Variants in DSCAM observed in about 807,000 individuals in gnomAD.
The protein encoded by DSCAM is cell adhesion molecule DSCAM.
A neutral mutation model predicts 217.7 loss-of-function variants in DSCAM; 47 were observed. That is an observed-to-expected ratio of 0.22 (90% CI 0.17 to 0.28). The LOEUF (loss-of-function observed/expected upper bound fraction) is 0.28, where lower values mean the gene tolerates loss of function less well. Among genes scored for constraint, DSCAM ranks in the 10% least tolerant of loss-of-function variants. The pLI is 1.00. For missense variants in DSCAM, 2,080 were observed against 2,618.3 expected (o/e 0.79, Z 4.49); for synonymous variants, 1,056 against 1,015.3 (o/e 1.04, Z -0.76).
chr21:40,482,742 C>G (rs1008404324), intron 3 of DSCAM, among the ~76,000 whole-genome samples: 4 of 152,112 alleles, frequency 2.6e-5, no homozygotes, highest in African/African-American at 9.7e-5. Context: ...TATATGGAAG[C>G]CCCCTATGTT....
chr21:40,340,922 G>A lies in DSCAM; in HGVS notation c.1211-1507C>T, dbSNP rs187642820. 2.0e-4 allele frequency among the ~76,000 whole-genome samples: 31 copies of A among 152,226 alleles called. No homozygotes were observed. In the East Asian group the frequency reaches 2.1e-3, roughly 10 times the overall value. The stretch of plus-strand genomic sequence containing the variant: ...CCTTGGGGCCTAGTTCTTGGTCAGG[G>A]AGGCCAGTTATGTAGGGTCTTCATG... On this transcript the variant is annotated intron_variant, in intron 6 of 32. Coordinates refer to ENST00000400454, the MANE Select transcript of DSCAM (RefSeq NM_001389.5).
chr21:40,806,460 T>C (rs1232238414), intron 1 of DSCAM, among the ~76,000 whole-genome samples: 1 of 152,188 alleles, frequency 6.6e-6, no homozygotes, highest in Non-Finnish European at 1.5e-5. Context: ...AATACAAATA[T>C]AGAGTTGCTA....
In DSCAM at chr21:40,300,048, AT is replaced by A. The variant is rs1377805045; in HGVS notation, c.2063-3875del. Among the ~76,000 whole-genome samples the A allele has an allele frequency of 2.0e-3, 307 of 152,160 alleles. 2 individuals are homozygous for A. Among genetic ancestry groups the A allele is most frequent in the African/African-American group, 6.8e-3 (284 of 41,518 alleles). ...AAGACAATTCTTACTTTGCTTGCTT[AT>A]TAAAGAGAGGATCCCCCACTGTGGC... On this transcript the variant is annotated intron_variant, in intron 9 of 32. Transcript: ENST00000400454.
Position 40,306,772 on chromosome 21 carries a change from T to G in DSCAM, c.2062+5309A>C, listed in dbSNP as rs527619232. 4.6e-5 allele frequency among the ~76,000 whole-genome samples: 7 copies of G among 152,212 alleles called. No homozygotes were observed. The East Asian group carries it at 1.4e-3, about 29-fold the overall frequency. ...TTAATTTGCGTATATTGAACAAGCC[T>G]TGCATCCCAGGGATGAAGCCCACTT... On this transcript the variant is annotated intron_variant, in intron 9 of 32. Coordinates refer to ENST00000400454, the MANE Select transcript of DSCAM (RefSeq NM_001389.5).
At chr21:40,785,454 G>T (rs771570525) in intron 1 of DSCAM, among the ~76,000 whole-genome samples, 1 of 152,206 alleles carries the variant, frequency 6.6e-6, no homozygotes, top group African/African-American at 2.4e-5. Context: ...GGGCAGGAAG[G>T]CCTCACTGGC....
chr21:40,144,478 C>G lies in DSCAM; in HGVS notation c.3259+13G>C, dbSNP rs758223455. 7.4e-6 allele frequency: 12 copies of G among 1,613,024 alleles called. No homozygotes were observed. The highest frequency in any genetic ancestry group is 1.0e-5 in the Non-Finnish European group (12 of 1,179,236). ...GGAGGGAAAAGCCACGACCAGGCCC[C>G]GGCCGAACCTACCATCCTCGAGAGT... On this transcript the variant is annotated intron_variant, in intron 17 of 32. Coordinates refer to ENST00000400454, the MANE Select transcript of DSCAM (RefSeq NM_001389.5). The surrounding 1 kb of genome is among the most constrained non-coding windows in gnomAD (Gnocchi z 4.8).
intron 1 of DSCAM, among the ~76,000 whole-genome samples, chr21:40,713,651 A>G (rs2090807570): frequency 6.6e-6 from 1 of 152,220 alleles, no homozygotes; most frequent in African/African-American, 2.4e-5. Flanking sequence ...ATTAGGAAGA[A>G]CTGTTAGAAA....
intron 30 of DSCAM, among the ~76,000 whole-genome samples, chr21:40,046,959 C>T (rs971349616): frequency 6.6e-6 from 1 of 151,986 alleles, no homozygotes; most frequent in African/African-American, 2.4e-5. Flanking sequence ...ATGGGAAAGT[C>T]GCACATGCAG....
At position 40,071,249 on chromosome 21, in the gene DSCAM, C is replaced by A. The variant is rs977480878; in HGVS notation, c.4888+3788G>T. On this transcript the variant is annotated intron_variant, in intron 27 of 32. Coordinates refer to ENST00000400454, the MANE Select transcript of DSCAM (RefSeq NM_001389.5). The stretch of plus-strand genomic sequence containing the variant: ...CCAGGGCATCATTAAAAGCAAAATG[C>A]GGCTCCTGAACTCCTGGATAAGGTT... 3.3e-5 allele frequency among the ~76,000 whole-genome samples: 5 copies of A among 152,044 alleles called. No individual in the cohort carries two copies. In the East Asian group the frequency reaches 5.8e-4, roughly 18 times the overall value.
chr21:40,197,291 T>C (rs531646505), intron 11 of DSCAM, among the ~76,000 whole-genome samples: 21 of 152,208 alleles, frequency 1.4e-4, no homozygotes, highest in African/African-American at 4.8e-4. Context: ...GCTAATTTTT[T>C]GTATTTTTAG....
chr21:40,538,243 C>A (rs1014515370), intron 3 of DSCAM, among the ~76,000 whole-genome samples: 9 of 152,048 alleles, frequency 5.9e-5, no homozygotes, highest in African/African-American at 2.2e-4. Context: ...GGTGTTAGTG[C>A]TCCTTCATTT....
intron 28 of DSCAM, among the ~76,000 whole-genome samples, chr21:40,059,239 T>C (rs1215637478): frequency 1.3e-5 from 2 of 152,352 alleles, no homozygotes; most frequent in East Asian, 3.9e-4. Context: ...CTTTTTCTGC[T>C]TACACCCAAC....
At chr21:40,633,902 C>T (rs2089723218) in intron 3 of DSCAM, among the ~76,000 whole-genome samples, 1 of 152,088 alleles carries the variant, frequency 6.6e-6, no homozygotes, top group African/African-American at 2.4e-5. Flanking sequence ...GGAAGCCTCC[C>T]AGGGAATGAT....
At chr21:40,563,612 ACATGTT>A (rs1568907636) in intron 3 of DSCAM, among the ~76,000 whole-genome samples, 4 of 146,396 alleles carry the variant, frequency 2.7e-5, no homozygotes, top group African/African-American at 4.9e-5. Flanking sequence ...ATATATGTTT[ACATGTT>A]TATATATAGT....
intron 1 of DSCAM, among the ~76,000 whole-genome samples, chr21:40,772,615 G>A (rs2091454792): frequency 1.3e-5 from 2 of 152,178 alleles, no homozygotes; most frequent in South Asian, 4.1e-4. Flanking sequence ...CCCTGCCCAT[G>A]TCCAACTGCC....
rs370374274 is a variant in DSCAM, at chr21:40,520,356, A to G, written c.509-151111T>C. Among the ~76,000 whole-genome samples the G allele has an allele frequency of 2.9e-4, 44 of 152,328 alleles. No individual in the cohort carries two copies. The South Asian group carries it at 8.5e-3, about 29-fold the overall frequency. On this transcript the variant is annotated intron_variant, in intron 3 of 32. Coordinates refer to ENST00000400454, the MANE Select transcript of DSCAM (RefSeq NM_001389.5). ...AGTCAGTTAAGAGGAGCAGGATTCAATGCAATGCTATTATCTTCCAGAAAA... is the reference window on the plus strand; with the variant it reads ...AGTCAGTTAAGAGGAGCAGGATTCAGTGCAATGCTATTATCTTCCAGAAAA...
At chr21:40,680,189 G>A (rs1235129524) in intron 3 of DSCAM, among the ~76,000 whole-genome samples, 2 of 152,066 alleles carry the variant, frequency 1.3e-5, no homozygotes, top group Admixed American at 1.3e-4. Flanking sequence ...ACTAACTCAA[G>A]GTTACGTAAC....
At chr21:40,166,272 A>T (rs1255612854) in intron 16 of DSCAM, among the ~76,000 whole-genome samples, 1 of 152,214 alleles carries the variant, frequency 6.6e-6, no homozygotes, top group Non-Finnish European at 1.5e-5. Flanking sequence ...GTGACGCCAC[A>T]GAAAAAAAAC....
At chr21:40,229,419 T>C (rs940766902) in intron 11 of DSCAM, among the ~76,000 whole-genome samples, 1 of 152,248 alleles carries the variant, frequency 6.6e-6, no homozygotes, top group African/African-American at 2.4e-5. Flanking sequence ...TCTGTGGTTT[T>C]GACAAATACA....
Sources: gnomAD v4.1 joint callset for allele counts (sites outside exome capture counted in the v4.1 genomes callset) on GRCh38, gnomAD v4.1.1 for gene constraint, Gnocchi (gnomAD v3.1) non-coding constraint, MANE v1.5 for transcripts, NCBI Gene and HGNC (gene_info 2026-07-23, HGNC 2026-07-21) for gene names.